Variants in LARP1B observed in about 807,000 individuals in gnomAD.
LARP1B encodes la-related protein 1B.
In LARP1B, 76 loss-of-function variants were observed where a neutral mutation model predicts 114.2. The observed-to-expected ratio is 0.67, with a 90% CI of 0.55 to 0.81. LARP1B has a LOEUF of 0.81. Ranked by LOEUF, LARP1B falls within the 30% of genes least tolerant of loss-of-function variation. The probability of loss-of-function intolerance (pLI) is 0.00; values close to 1 mark genes in which losing one functional copy is unlikely to be tolerated. For synonymous variants in LARP1B, 345 were observed against 348.0 expected (o/e 0.99, Z 0.10); for missense variants, 1,014 against 1,075.8 (o/e 0.94, Z 0.80).
chr4:128,075,002 T>C lies in LARP1B; in HGVS notation c.42+9T>C. 6.3e-7 allele frequency: 1 copy of C among 1,581,428 alleles called. No individual in the cohort carries two copies. Among genetic ancestry groups the C allele is most frequent in the Non-Finnish European group, 8.6e-7 (1 of 1,157,568 alleles). ...AATTAGTGAACACTGGAGTGAGTAT[T>C]GTTTTAAAGTTTTTTTTTTTAAAGA... is the stretch of plus-strand genomic sequence containing the variant. On this transcript the variant is annotated intron_variant, in intron 3 of 19. Coordinates refer to ENST00000326639, the MANE Select transcript of LARP1B (RefSeq NM_018078.4).
chr4:128,135,142 T>A (rs529589241), intron 11 of LARP1B, among the ~76,000 whole-genome samples: 4 of 139,808 alleles, frequency 2.9e-5, no homozygotes, highest in African/African-American at 5.2e-5. Flanking sequence ...AATAAATAAA[T>A]AAAAAGGATA....
At position 128,090,992 on chromosome 4, in the gene LARP1B, T is replaced by C. The variant is rs373952529; in HGVS notation, c.359-9T>C. 4.0e-5 allele frequency: 63 copies of C among 1,575,902 alleles called. No individual in the cohort carries two copies. The African/African-American group carries it at 8.6e-4, about 22-fold the overall frequency. The stretch of plus-strand genomic sequence containing the variant: ...TCGAAGTATATAAAAATATTTTTAT[T>C]TTTAAAAGGTTGGAAGCGAGATAGA... On this transcript the variant is annotated splice_polypyrimidine_tract_variant and intron_variant, in intron 5 of 19. Coordinates refer to ENST00000326639, the MANE Select transcript of LARP1B (RefSeq NM_018078.4).
intron 9 of LARP1B, among the ~76,000 whole-genome samples, chr4:128,114,000 A>C (rs12507742): frequency 6.6e-6 from 1 of 151,788 alleles, no homozygotes; most frequent in Admixed American, 6.6e-5. Flanking sequence ...TGGTCAGGCC[A>C]GTCGACACTT....
chr4:128,172,695 A>T (rs182796609), intron 12 of LARP1B, among the ~76,000 whole-genome samples: 5 of 151,968 alleles, frequency 3.3e-5, no homozygotes, highest in Admixed American at 6.6e-5. Flanking sequence ...TCTGTCTTAA[A>T]AAAAAAAAGA....
intron 15 of LARP1B, among the ~76,000 whole-genome samples, chr4:128,191,486 C>T (rs1005330331): frequency 6.6e-6 from 1 of 152,140 alleles, no homozygotes; most frequent in African/African-American, 2.4e-5. Flanking sequence ...CACTAGATGG[C>T]GCCTTAAGCC....
At chr4:128,083,459 C>T (rs1418801722) in intron 5 of LARP1B, among the ~76,000 whole-genome samples, 12 of 149,568 alleles carry the variant, frequency 8.0e-5, no homozygotes, top group Admixed American at 1.3e-4. Flanking sequence ...ACCCCCCCCA[C>T]CTCCCTCCCG....
chr4:128,182,569 C>G (rs987640382), intron 15 of LARP1B, among the ~76,000 whole-genome samples: 1 of 152,158 alleles, frequency 6.6e-6, no homozygotes, highest in African/African-American at 2.4e-5. Context: ...CTCCATCTCT[C>G]CCCCTCTTCT....
chr4:128,166,930 T>TTCTCTCTCTC (rs56916317), intron 12 of LARP1B, among the ~76,000 whole-genome samples: 1 of 103,086 alleles, frequency 9.7e-6, no homozygotes, highest in African/African-American at 3.7e-5. Flanking sequence ...TTATATTCTA[T>TTCTCTCTCTC]TCTCTCTCTC....
chr4:128,060,833 C>T (rs1275588827), upstream of LARP1B, among the ~76,000 whole-genome samples: 1 of 151,508 alleles, frequency 6.6e-6, no homozygotes, highest in Non-Finnish European at 1.5e-5. Flanking sequence ...GGCCAAGCGG[C>T]CGGGCCGCGG....
chr4:128,186,572 G>T (rs1383948115), intron 15 of LARP1B, among the ~76,000 whole-genome samples: 1 of 152,114 alleles, frequency 6.6e-6, no homozygotes, highest in Admixed American at 6.6e-5. Context: ...TATAATATCA[G>T]ATCATCTGCA....
chr4:128,108,778 T>C, intron 9 of LARP1B: 1 of 985,136 alleles, frequency 1.0e-6, no homozygotes, highest in Non-Finnish European at 1.2e-6. Flanking sequence ...TCACAAGGCA[T>C]TGGGTAAGTT....
rs151114805 is a variant in LARP1B, at chr4:128,123,747, T to C, written c.1524+1559T>C. On this transcript the variant is annotated intron_variant, in intron 11 of 19. Coordinates refer to ENST00000326639, the MANE Select transcript of LARP1B (RefSeq NM_018078.4). ...ACCATTGTGTATAATATTTGTTCTGTGGGAAATGTTTTCAGTCTGCCAAGT... is the reference window on the plus strand; with the variant it reads ...ACCATTGTGTATAATATTTGTTCTGCGGGAAATGTTTTCAGTCTGCCAAGT... 5.3e-5 allele frequency: 51 copies of C among 968,518 alleles called. No individual in the cohort carries two copies. In the African/African-American group the frequency reaches 7.4e-4, roughly 14 times the overall value. 60.0% of individuals were successfully genotyped at this position (968,518 alleles called of 1,614,324 possible). A position where few individuals can be genotyped will look rare whatever the true frequency, so the allele number is the denominator to read the frequency against.
At chr4:128,091,638 C>T (rs1400512751) in intron 7 of LARP1B, 126 bp downstream of exon 7, 1 of 678,110 alleles carries the variant, frequency 1.5e-6, no homozygotes, top group Non-Finnish European at 2.3e-6. Flanking sequence ...ACTCTGTTGC[C>T]CAGGCTGGAG....
At chr4:128,072,965 G>A (rs1333129421) in intron 1 of LARP1B, among the ~76,000 whole-genome samples, 4 of 152,084 alleles carry the variant, frequency 2.6e-5, no homozygotes, top group South Asian at 2.1e-4. Flanking sequence ...GTATTATTAC[G>A]TAGAGACTGT....
chr4:128,146,313 A>G (rs1730321991), intron 11 of LARP1B, among the ~76,000 whole-genome samples: 1 of 152,340 alleles, frequency 6.6e-6, no homozygotes, highest in Middle Eastern at 3.4e-3. Context: ...AATGAAGATG[A>G]TTTTAAAAAC....
chr4:128,065,253 A>ATT lies in LARP1B; in HGVS notation c.-78+3854_-78+3855dup, dbSNP rs869130974. ...ACTCTGCACTGTTCTCCCACAATTA[A>ATT]TTTCTTTCTTTCTTTCTTTCTTTCT... On this transcript the variant is annotated intron_variant, in intron 1 of 19. Coordinates refer to ENST00000326639, the MANE Select transcript of LARP1B (RefSeq NM_018078.4). 5.6e-5 allele frequency among the ~76,000 whole-genome samples: 5 copies of ATT among 89,616 alleles called. 1 individual carries two copies. The South Asian group carries it at 2.2e-3, about 39-fold the overall frequency. 58.8% of individuals were successfully genotyped at this position (89,616 alleles called of 152,430 possible). A position where few individuals can be genotyped will look rare whatever the true frequency, so the allele number is the denominator to read the frequency against.
At chr4:128,196,495 G>A (rs1405467396) in intron 15 of LARP1B, among the ~76,000 whole-genome samples, 2 of 151,540 alleles carry the variant, frequency 1.3e-5, no homozygotes, top group Admixed American at 6.6e-5. Flanking sequence ...CTCCAGTCTG[G>A]GCGACAGAGC....
chr4:128,207,797 G>A (rs1034875265), intron 19 of LARP1B, among the ~76,000 whole-genome samples: 1 of 152,236 alleles, frequency 6.6e-6, no homozygotes, highest in Non-Finnish European at 1.5e-5. Context: ...AGGAGAGAAT[G>A]TTGTGTGCAT....
rs1455984015 is a variant in LARP1B at position 128,074,978 on chromosome 4, A to G, written c.27A>G (p.Glu9=). The G allele has an allele frequency of 1.9e-6, 3 of 1,607,594 alleles. No homozygotes were observed. In the East Asian group the frequency reaches 6.7e-5, roughly 36 times the overall value. Residue 9 remains glutamate, a synonymous_variant, in exon 3 of 20, where the codon GAA becomes GAG. Coordinates refer to ENST00000326639, the MANE Select transcript of LARP1B (RefSeq NM_018078.4). MENWPTPS[E]LVNTGFQSVL... Reference sequence around the variant, plus strand: ...TGGAGAATTGGCCAACACCAAGTGAATTAGTGAACACTGGAGTGAGTATTG... The same window carrying G: ...TGGAGAATTGGCCAACACCAAGTGAGTTAGTGAACACTGGAGTGAGTATTG...
Sources: allele counts gnomAD v4.1 joint callset (sites outside exome capture counted in the v4.1 genomes callset), GRCh38; gene constraint gnomAD v4.1.1; transcripts MANE v1.5; gene names NCBI Gene and HGNC (gene_info 2026-07-23, HGNC 2026-07-21).